Variants in CCDC171 observed in about 807,000 individuals in gnomAD.
The protein encoded by CCDC171 is coiled-coil domain containing 171, also known as coiled-coil domain-containing protein 171.
A neutral mutation model predicts 168.2 loss-of-function variants in CCDC171; 177 were observed. That is an observed-to-expected ratio of 1.05 (90% CI 0.93 to 1.19). The LOEUF (loss-of-function observed/expected upper bound fraction) is 1.19. Among genes scored for constraint, CCDC171 ranks in the 50% most tolerant of loss-of-function variants. CCDC171 has a pLI of 0.00. For synonymous variants in CCDC171, 687 were observed against 540.8 expected, an observed-to-expected ratio of 1.27 and a Z score of -3.75; for missense variants, 1,991 against 1,539.0, an observed-to-expected ratio of 1.29 and a Z score of -4.91.
chr9:15,959,653 C>G (rs1451595474), intron 25 of CCDC171, among the ~76,000 whole-genome samples: 1 of 151,964 alleles, frequency 6.6e-6, no homozygotes, highest in Non-Finnish European at 1.5e-5. Context: ...TTTGAAACAC[C>G]ATTGTGCGGA....
At chr9:15,624,990 T>G (rs899917346) in intron 7 of CCDC171, among the ~76,000 whole-genome samples, 1 of 152,216 alleles carries the variant, frequency 6.6e-6, no homozygotes, top group Non-Finnish European at 1.5e-5. Context: ...TTTCTTGACT[T>G]TTTAATGATT....
At chr9:15,652,897 A>G (rs1187472564) in intron 7 of CCDC171, among the ~76,000 whole-genome samples, 2 of 152,200 alleles carry the variant, frequency 1.3e-5, no homozygotes, top group African/African-American at 2.4e-5. Context: ...CTGATGATGT[A>G]ATTGCTTTTT....
At chr9:15,799,266 G>A (rs2135750199) in intron 21 of CCDC171, among the ~76,000 whole-genome samples, 1 of 149,008 alleles carries the variant, frequency 6.7e-6, no homozygotes, top group East Asian at 2.0e-4. Flanking sequence ...TGTGATACTT[G>A]TCTTTATTTT....
chr9:15,952,219 A>C (rs903878421), intron 25 of CCDC171, among the ~76,000 whole-genome samples: 5 of 152,032 alleles, frequency 3.3e-5, no homozygotes, highest in Admixed American at 1.3e-4. Flanking sequence ...TGAGCTCTCT[A>C]TTCTGTTCTA....
chr9:15,961,516 G>A (rs1401609356), intron 25 of CCDC171, among the ~76,000 whole-genome samples: 2 of 152,140 alleles, frequency 1.3e-5, no homozygotes, highest in Admixed American at 1.3e-4. Context: ...GTCATTATTT[G>A]TGTAGGTGTT....
At chr9:15,673,491 A>G (rs913289947) in intron 9 of CCDC171, among the ~76,000 whole-genome samples, 67 of 152,276 alleles carry the variant, frequency 4.4e-4, no homozygotes, top group Non-Finnish European at 3.4e-4. Flanking sequence ...GGTTTGTCAT[A>G]TATAGCTCTT....
rs1587252389 is a variant in CCDC171, at chr9:15,594,992, C to T, written c.675+820C>T. Among the ~76,000 whole-genome samples the T allele has an allele frequency of 2.0e-5, 3 of 152,154 alleles. No individual in the cohort carries two copies. In the East Asian group the frequency reaches 5.8e-4, roughly 29 times the overall value. On this transcript the variant is annotated intron_variant, in intron 6 of 25. Transcript: ENST00000380701. ...TATGTATTTTTTCGACACAGAATGA[C>T]AAATTGAAATAACCTTTCTATAGAT... is the stretch of plus-strand genomic sequence containing the variant.
intron 23 of CCDC171, among the ~76,000 whole-genome samples, chr9:15,872,198 G>A (rs1001318227): frequency 6.6e-6 from 1 of 151,880 alleles, no homozygotes; most frequent in Non-Finnish European, 1.5e-5. Flanking sequence ...TTCATCATTA[G>A]GTGTAGCAAA....
chr9:15,637,733 C>T (rs978958428), intron 7 of CCDC171, among the ~76,000 whole-genome samples: 1 of 150,168 alleles, frequency 6.7e-6, no homozygotes, highest in Non-Finnish European at 1.5e-5. Flanking sequence ...GGTTTTCTGT[C>T]CTTGCGATAG....
chr9:15,626,716 C>A lies in CCDC171; in HGVS notation c.822+3303C>A, dbSNP rs191803387. On this transcript the variant is annotated intron_variant, in intron 7 of 25. Coordinates refer to ENST00000380701, the MANE Select transcript of CCDC171 (RefSeq NM_173550.4). ...TGATGTGCTGCTGGATTCAGTTTGC[C>A]AGTATTTTACTGAGGATTTTTGCAT... 6.1e-3 allele frequency among the ~76,000 whole-genome samples: 923 copies of A among 152,276 alleles called. 7 individuals carry two copies. The highest frequency in any genetic ancestry group is 0.022 in the African/African-American group (898 of 41,548).
At chr9:15,890,531 G>GTTTTT (rs58256366) in intron 24 of CCDC171, among the ~76,000 whole-genome samples, 123 of 144,676 alleles carry the variant, frequency 8.5e-4, no homozygotes, top group Non-Finnish European at 1.3e-3. Flanking sequence ...GATTGGTAAG[G>GTTTTT]TTTTTTTTTT....
rs540522365 is a variant in CCDC171, at chr9:15,923,538, A to G, written c.3753+3116A>G. ...AATGGGGAGATGTTGGTCAGAGAAT[A>G]TATAATTACAGTTAGGTAGGAGAAA... is the stretch of plus-strand genomic sequence containing the variant. On this transcript the variant is annotated intron_variant, in intron 25 of 25. Transcript: ENST00000380701. Among the ~76,000 whole-genome samples, 168 of 151,410 alleles carry G rather than the reference A, an allele frequency of 1.1e-3. 1 individual carries two copies. The highest frequency in any genetic ancestry group is 4.0e-3 in the African/African-American group (165 of 41,438).
chr9:16,056,171 T>C (rs1320401421), intron 1 of CCDC171, among the ~76,000 whole-genome samples: 1 of 152,252 alleles, frequency 6.6e-6, no homozygotes, highest in African/African-American at 2.4e-5. Flanking sequence ...TCATTGGTGG[T>C]GGGAAAATAA....
At chr9:16,098,607 A>G in the CCDC171 span, among the ~76,000 whole-genome samples, 10 of 152,334 alleles carry the variant, frequency 6.6e-5, no homozygotes, top group East Asian at 1.3e-3. Context: ...AGTCGATGAA[A>G]TGAAATCTAG....
At chr9:15,861,734 A>G (rs1426631081) in intron 23 of CCDC171, among the ~76,000 whole-genome samples, 1 of 151,836 alleles carries the variant, frequency 6.6e-6, no homozygotes, top group African/African-American at 2.4e-5. Flanking sequence ...GTTGTTTTTA[A>G]TACTTTCGTG....
chr9:15,954,851 C>A (rs1829625643), intron 25 of CCDC171, among the ~76,000 whole-genome samples: 4 of 151,958 alleles, frequency 2.6e-5, no homozygotes. Flanking sequence ...TTCTTCACAT[C>A]TTTCTTTAGT....
At chr9:15,761,848 C>T (rs1384683424) in intron 18 of CCDC171, among the ~76,000 whole-genome samples, 2 of 151,002 alleles carry the variant, frequency 1.3e-5, no homozygotes, top group Non-Finnish European at 3.0e-5. Context: ...TTTTTTCAAA[C>T]ATTTTATGAA....
Position 16,030,142 on chromosome 9 carries a change from G to A in CCDC171, n.999-5315G>A, listed in dbSNP as rs555443174. ...GATCTTATCATGTCCCAAAGACCCCGCCTTTAATACCATCACCTTGGTGAT... is the reference window on the plus strand; with the variant it reads ...GATCTTATCATGTCCCAAAGACCCCACCTTTAATACCATCACCTTGGTGAT... On this transcript the variant is annotated intron_variant and non_coding_transcript_variant, in intron 6 of 9. Transcript: ENST00000486641. Among the ~76,000 whole-genome samples the A allele has an allele frequency of 1.2e-4, 18 of 152,184 alleles. No homozygotes were observed. In the East Asian group the frequency reaches 1.4e-3, roughly 11 times the overall value.
At chr9:15,965,615 G>A (rs1250865479) in intron 25 of CCDC171, among the ~76,000 whole-genome samples, 2 of 152,206 alleles carry the variant, frequency 1.3e-5, no homozygotes, top group African/African-American at 2.4e-5. Flanking sequence ...CACAGTGCCT[G>A]ACATAATGCT....
Sources: gnomAD v4.1 joint callset for allele counts (sites outside exome capture counted in the v4.1 genomes callset) on GRCh38, gnomAD v4.1.1 for gene constraint, MANE v1.5 for transcripts, NCBI Gene and HGNC (gene_info 2026-07-23, HGNC 2026-07-21) for gene names.